The following RHBDL2 variants were observed in gnomAD, a reference collection of about 807,000 sequenced individuals.
RHBDL2 encodes the protein rhomboid like 2, also known as rhomboid-related protein 2.
A neutral mutation model predicts 31.7 loss-of-function variants in RHBDL2; 26 were observed. The ratio of observed to expected loss-of-function variants is 0.82; its 90% CI spans 0.60 to 1.14. RHBDL2 has a LOEUF of 1.14. Among genes scored for constraint, RHBDL2 ranks in the 50% most tolerant of loss-of-function variants. The pLI is 0.00. For missense variants in RHBDL2, 336 were observed against 364.4 expected, an observed-to-expected ratio of 0.92 and a Z score of 0.63; for synonymous variants, 123 against 127.2, an observed-to-expected ratio of 0.97 and a Z score of 0.22.
At chr1:38,911,289 G>A (rs751845609) in intron 4 of RHBDL2, 33 bp downstream of exon 4, 5 of 1,382,992 alleles carry the variant, frequency 3.6e-6, no homozygotes, top group Non-Finnish European at 5.2e-6. Context: ...AGAGCCCAGA[G>A]GTATTGATTC....
At chr1:38,915,028 C>CA (rs1267966081) in intron 3 of RHBDL2, among the ~76,000 whole-genome samples, 230 of 114,004 alleles carry the variant, frequency 2.0e-3, no homozygotes, top group Admixed American at 4.3e-3. Flanking sequence ...GACTCCATCT[C>CA]AAAAAAAAAA....
At chr1:38,928,434 G>C (rs1242024210) in intron 1 of RHBDL2, among the ~76,000 whole-genome samples, 6 of 55,356 alleles carry the variant, frequency 1.1e-4, no homozygotes, top group Admixed American at 6.0e-4. Context: ...GAGCCACGGC[G>C]CCCGGCCATG....
intron 4 of RHBDL2, among the ~76,000 whole-genome samples, chr1:38,905,253 CAG>C (rs2124317823): frequency 6.6e-6 from 1 of 151,310 alleles, no homozygotes; most frequent in South Asian, 2.1e-4. Flanking sequence ...TTGGTAGAGA[CAG>C]AGTTTCATTA....
At chr1:38,889,516 G>A (rs895075363) in intron 6 of RHBDL2, among the ~76,000 whole-genome samples, 6 of 152,138 alleles carry the variant, frequency 3.9e-5, no homozygotes, top group African/African-American at 1.4e-4. Flanking sequence ...GAAGAAGGAT[G>A]GTGGCATTTT....
intron 1 of RHBDL2, among the ~76,000 whole-genome samples, chr1:38,931,706 A>G (rs540450761): frequency 9.9e-5 from 15 of 152,032 alleles, no homozygotes; most frequent in East Asian, 7.7e-4. Context: ...GGAAAAAAAA[A>G]AAAGAAAGAA....
intron 2 of RHBDL2, among the ~76,000 whole-genome samples, chr1:38,917,331 G>A (rs35678676): frequency 0.053 from 8,059 of 152,114 alleles, 232 homozygotes; most frequent in Middle Eastern, 0.15. Context: ...GGAACTTTCT[G>A]TTCTATCTTT....
At chr1:38,899,226 T>A (rs1228103332) in intron 4 of RHBDL2, among the ~76,000 whole-genome samples, 3 of 152,120 alleles carry the variant, frequency 2.0e-5, no homozygotes, top group East Asian at 1.9e-4. Context: ...CAGGATGAAG[T>A]TAGCATACAA....
chr1:38,927,763 C>T (rs1016358043), intron 1 of RHBDL2, among the ~76,000 whole-genome samples: 3 of 152,218 alleles, frequency 2.0e-5, no homozygotes, highest in African/African-American at 7.2e-5. Context: ...ATAATAAACA[C>T]TTACTGTGTG....
intron 1 of RHBDL2, chr1:38,929,339 C>T (rs1643414453): frequency 3.3e-6 from 4 of 1,223,662 alleles, no homozygotes; most frequent in Non-Finnish European, 4.3e-6. Flanking sequence ...CACAAGCGTC[C>T]AGGACGGGAA....
intron 2 of RHBDL2, among the ~76,000 whole-genome samples, chr1:38,916,266 C>T (rs1254547175): frequency 3.3e-5 from 5 of 152,204 alleles, no homozygotes; most frequent in Non-Finnish European, 7.3e-5. Context: ...GTATTCTTCT[C>T]CCAAACTCAT....
At chr1:38,924,841 G>A (rs139916522) in intron 1 of RHBDL2, among the ~76,000 whole-genome samples, 7,301 of 147,402 alleles carry the variant, frequency 0.05, 250 homozygotes, top group Middle Eastern at 0.13. Context: ...GAGTGCAATG[G>A]TGCGATCTCG....
chr1:38,902,044 C>T (rs1642997547), intron 4 of RHBDL2, among the ~76,000 whole-genome samples: 1 of 151,584 alleles, frequency 6.6e-6, no homozygotes, highest in African/African-American at 2.4e-5. Context: ...TACCCAACAA[C>T]AACTGATCTC....
At chr1:38,911,623 T>C (rs1428002811) in intron 3 of RHBDL2, among the ~76,000 whole-genome samples, 189 bp from the exon 4 acceptor site, 2 of 127,216 alleles carry the variant, frequency 1.6e-5, no homozygotes, top group Admixed American at 1.7e-4. Context: ...TGTGTGTGTG[T>C]GTGTGTGTGT....
intron 3 of RHBDL2, among the ~76,000 whole-genome samples, chr1:38,912,896 ATATATATATATATATGTG>A (rs1379800987): frequency 1.8e-4 from 8 of 43,566 alleles, no homozygotes; most frequent in South Asian, 4.9e-4. Flanking sequence ...ATATATATAT[ATATATATATATATATGTG>A]TGTGTGTGTG....
intron 1 of RHBDL2, among the ~76,000 whole-genome samples, chr1:38,934,890 A>C (rs1028142640): frequency 6.6e-6 from 1 of 151,750 alleles, no homozygotes; most frequent in African/African-American, 2.4e-5. Context: ...CCCAGGAGAC[A>C]GAAGTTGCAG....
In RHBDL2 at chr1:38,919,040, G is replaced by T; in HGVS notation, c.173C>A (p.Ser58Tyr). The T allele has an allele frequency of 6.2e-7, 1 of 1,614,096 alleles. No homozygotes were observed. Among genetic ancestry groups the T allele is most frequent in the East Asian group, 2.2e-5 (1 of 44,890 alleles). Reference sequence around the variant, plus strand: ...AGCTCTCTCCAAGTATGTTCCTCGGGACTTTTCGGGCAGCATCCATTTTGA... The same window carrying T: ...AGCTCTCTCCAAGTATGTTCCTCGGTACTTTTCGGGCAGCATCCATTTTGA... ...IVSKWMLPEK[S>Y]RGTYLERANC... The change falls in exon 2 of 8, where the codon TCC (serine) becomes TAC (tyrosine). Residue 58 changes from serine (S) to tyrosine (Y), a missense_variant. Ser to Tyr is a moderately radical substitution (Grantham distance 144). Transcript: ENST00000372990.
intron 1 of RHBDL2, among the ~76,000 whole-genome samples, chr1:38,931,471 G>A (rs535438181): frequency 2.0e-4 from 30 of 151,636 alleles, no homozygotes; most frequent in East Asian, 7.8e-4. Flanking sequence ...GCAGTAAGCC[G>A]AGATCACGCC....
chr1:38,935,340 A>G (rs1179559072), intron 1 of RHBDL2, among the ~76,000 whole-genome samples: 2 of 152,276 alleles, frequency 1.3e-5, no homozygotes, highest in Non-Finnish European at 2.9e-5. Flanking sequence ...ACATAAATAA[A>G]GAGCTAAAGC....
chr1:38,888,750 C>G (rs1345636958), intron 6 of RHBDL2, among the ~76,000 whole-genome samples: 1 of 152,170 alleles, frequency 6.6e-6, no homozygotes, highest in African/African-American at 2.4e-5. Context: ...TAAACCCACC[C>G]CAGACCTACT....
Sources: gnomAD v4.1 joint callset for allele counts (sites outside exome capture counted in the v4.1 genomes callset) on GRCh38, gnomAD v4.1.1 for gene constraint, MANE v1.5 for transcripts, NCBI Gene and HGNC (gene_info 2026-07-23, HGNC 2026-07-21) for gene names.